The following PKD1 variants were observed in gnomAD, a reference collection of about 807,000 sequenced individuals.
The protein encoded by PKD1 is polycystin 1, transient receptor potential channel interacting.
Under a neutral mutation model 361.7 loss-of-function variants are expected in PKD1, and 81 were observed. That is an observed-to-expected ratio of 0.22 (90% CI 0.19 to 0.27). PKD1 has a LOEUF of 0.27. Ranked by LOEUF, PKD1 falls within the 10% of genes least tolerant of loss-of-function variation. PKD1 has a pLI of 1.00. For synonymous variants in PKD1, 3,615 were observed against 2,818.3 expected, an observed-to-expected ratio of 1.28 and a Z score of -8.95; for missense variants, 6,399 against 6,118.3, an observed-to-expected ratio of 1.05 and a Z score of -1.53.
Position 2,093,666 on chromosome 16 carries a change from C to T in PKD1, c.10894G>A (p.Glu3632Lys), listed in dbSNP as rs1368279785. 1 of 1,607,384 alleles carries T rather than the reference C, an allele frequency of 6.2e-7. No individual in the cohort carries two copies. The highest frequency in any genetic ancestry group is 8.5e-7 in the Non-Finnish European group (1 of 1,177,196). ...LHPDEDDTLV[E>K]SPAVTPVSAR... ...CTCACAGGCGTCACAGCCGGGCTCT[C>T]TACCAGGGTGTCATCTTCATCCGGG... is the stretch of plus-strand genomic sequence containing the variant. Residue 3632 changes from glutamate to lysine, a missense_variant, in exon 37 of 46, where the codon GAG (glutamate) becomes AAG (lysine). Coordinates refer to ENST00000262304, the MANE Select transcript of PKD1 (RefSeq NM_001009944.3).
chr16:2,090,400 T>A lies in PKD1; in HGVS notation c.12329A>T (p.Tyr4110Phe), dbSNP rs767860960. The change falls in exon 45 of 46, where the codon TAC becomes TTC. Residue 4110 changes from tyrosine to phenylalanine, a missense_variant. Transcript: ENST00000262304. ...RLGAVILRWR[Y>F]HALRGELYRP... ...GTACAGCTCTCCACGCAAGGCGTGGTAGCGCCAGCGGAGAATAACAGCCCC... is the reference window on the plus strand; with the variant it reads ...GTACAGCTCTCCACGCAAGGCGTGGAAGCGCCAGCGGAGAATAACAGCCCC... The A allele has an allele frequency of 1.9e-5, 30 of 1,612,422 alleles. No homozygotes were observed. Among genetic ancestry groups the A allele is most frequent in the Non-Finnish European group, 2.5e-5 (29 of 1,179,892 alleles).
intron 6 of PKD1, 136 bp from the exon 7 acceptor site, chr16:2,117,189 G>C: frequency 1.6e-6 from 1 of 642,256 alleles, no homozygotes; most frequent in Non-Finnish European, 2.7e-6. Flanking sequence ...GGAGACCAGG[G>C]CCCACCAGCC....
In PKD1 at chr16:2,089,745, G is replaced by C; in HGVS notation, c.12894C>G (p.Val4298=). The C allele has an allele frequency of 6.3e-7, 1 of 1,587,706 alleles. No individual in the cohort carries two copies. The highest frequency in any genetic ancestry group is 8.6e-7 in the Non-Finnish European group (1 of 1,168,782). The change falls in exon 46 of 46, where the codon GTC becomes GTG. Residue 4298 remains valine, a synonymous_variant. Transcript: ENST00000262304. ...AGGAGGACTAAGTGCTGCTGGGGTGGACCTTGTTCTTGGCCCGAAGGGGTG... is the reference window on the plus strand; with the variant it reads ...AGGAGGACTAAGTGCTGCTGGGGTGCACCTTGTTCTTGGCCCGAAGGGGTG... ...SRTPLRAKNK[V]HPSST
chr16:2,110,183 C>T lies in PKD1; in HGVS notation c.4984G>A (p.Val1662Ile), dbSNP rs766683298. 21 of 1,611,070 alleles carry T rather than the reference C, an allele frequency of 1.3e-5. No individual in the cohort carries two copies. Among genetic ancestry groups the T allele is most frequent in the South Asian group, 3.3e-5 (3 of 91,012 alleles). The change falls in exon 15 of 46, where the codon GTC becomes ATC. Residue 1662 changes from valine (V) to isoleucine (I), a missense_variant. Val to Ile is a conservative substitution (Grantham distance 29). Coordinates refer to ENST00000262304, the MANE Select transcript of PKD1 (RefSeq NM_001009944.3). ...CTCCAGGCAGTCCAGCTGTAGGAGACGTTGGTGCCATCCCTAACCACGGCC... is the reference window on the plus strand; with the variant it reads ...CTCCAGGCAGTCCAGCTGTAGGAGATGTTGGTGCCATCCCTAACCACGGCC... ...LQAVVRDGTN[V>I]SYSWTAWRDR... is the part of the protein sequence containing the mutation.
chr16:2,093,674 G>C lies in PKD1; in HGVS notation c.10886C>G (p.Thr3629Ser), dbSNP rs765167102. ...CGTCACAGCCGGGCTCTCTACCAGG[G>C]TGTCATCTTCATCCGGGTGCAGCCG... ...AKRLHPDEDD[T>S]LVESPAVTPV... The change falls in exon 37 of 46, where the codon ACC becomes AGC. Residue 3629 changes from threonine (T) to serine (S), a missense_variant. Transcript: ENST00000262304. 1.2e-6 allele frequency: 2 copies of C among 1,606,694 alleles called. No individual in the cohort carries two copies. The highest frequency in any genetic ancestry group is 1.7e-6 in the Non-Finnish European group (2 of 1,176,900).
In PKD1 at chr16:2,092,244, G is replaced by T. The variant is rs555519279; in HGVS notation, c.11270-56C>A. ...AGGGCCTCATCAAAACCCAACAGGA[G>T]TGTTTCCTGCTGGCCAGCTCGCCTG... is the stretch of plus-strand genomic sequence containing the variant. On this transcript the variant is annotated intron_variant, in intron 39 of 45. Transcript: ENST00000262304. 5.7e-4 allele frequency: 873 copies of T among 1,526,584 alleles called. 9 individuals are homozygous for T. The South Asian group carries it at 8.4e-3, about 15-fold the overall frequency. 94.6% of individuals were successfully genotyped at this position (1,526,584 alleles called of 1,614,324 possible). A position where few individuals can be genotyped will look rare whatever the true frequency, so the allele number is the denominator to read the frequency against.
In PKD1 at chr16:2,091,291, G is replaced by GCCCTACGAGGGGGCGGGA. The variant is rs2091537644; in HGVS notation, c.11713-118_11713-117insTCCCGCCCCCTCGTAGGG. 8.7e-5 allele frequency: 31 copies of GCCCTACGAGGGGGCGGGA among 357,266 alleles called. 1 individual carries two copies. Among genetic ancestry groups the GCCCTACGAGGGGGCGGGA allele is most frequent in the Non-Finnish European group, 1.1e-4 (28 of 249,328 alleles). The allele number at this position is 357,266 out of a possible 1,614,324, so 22.1% of individuals were successfully genotyped here. On this transcript the variant is annotated intron_variant, in intron 42 of 45. Transcript: ENST00000262304. Reference sequence around the variant, plus strand: ...GGGGGCGGGACGCTGCCGGGGCGGGGCCCTGCGAGGGGGCGGGACGCTGCG... The same window carrying GCCCTACGAGGGGGCGGGA: ...GGGGGCGGGACGCTGCCGGGGCGGGGCCCTACGAGGGGGCGGGACCCTGCGAGGGGGCGGGACGCTGCG...
In PKD1 at chr16:2,112,491, C is replaced by T. The variant is rs2369074; in HGVS notation, c.3162-18G>A. 35 of 1,583,994 alleles carry T rather than the reference C, an allele frequency of 2.2e-5. No homozygotes were observed. The highest frequency in any genetic ancestry group is 2.1e-4 in the African/African-American group (16 of 74,568). On this transcript the variant is annotated intron_variant, in intron 13 of 45. Coordinates refer to ENST00000262304, the MANE Select transcript of PKD1 (RefSeq NM_001009944.3). ...AGGTCCACCTGCCGGGGCGGTGGGA[C>T]GCAGTGAGTGAACCGGGACAGGGGT... is the stretch of plus-strand genomic sequence containing the variant.
In PKD1 at chr16:2,100,148, C is replaced by A; in HGVS notation, c.9712+18G>T. ...TGCCCAACCTCCCACGGAGTGGGAACATGGAACGAGGCCTTACTCGCGGCC... is the reference window on the plus strand; with the variant it reads ...TGCCCAACCTCCCACGGAGTGGGAAAATGGAACGAGGCCTTACTCGCGGCC... On this transcript the variant is annotated intron_variant, in intron 28 of 45. Coordinates refer to ENST00000262304, the MANE Select transcript of PKD1 (RefSeq NM_001009944.3). This position sits in a 1 kb window ranked among gnomAD's most constrained non-coding sequence, Gnocchi z 4.4. 4 of 1,604,354 alleles carry A rather than the reference C, an allele frequency of 2.5e-6. No individual in the cohort carries two copies. The highest frequency in any genetic ancestry group is 3.4e-6 in the Non-Finnish European group (4 of 1,174,278).
rs1754104193 is a variant in PKD1, at chr16:2,110,386, C to A, written c.4781G>T (p.Gly1594Val). 6.2e-7 allele frequency: 1 copy of A among 1,612,612 alleles called. No homozygotes were observed. The highest frequency in any genetic ancestry group is 2.2e-5 in the East Asian group (1 of 44,876). ...LCDRCTPIPG[G>V]PTISYTFRSV... Reference sequence around the variant, plus strand: ...GCGGAAGGTGTAAGAGATGGTAGGACCCCCAGGGATGGGCGTGCAGCGGTC... The same window carrying A: ...GCGGAAGGTGTAAGAGATGGTAGGAACCCCAGGGATGGGCGTGCAGCGGTC... The change falls in exon 15 of 46, where the codon GGT (glycine) becomes GTT (valine). Residue 1594 changes from glycine to valine, a missense_variant. Gly to Val is a moderately radical substitution (Grantham distance 109, BLOSUM62 -3). Transcript: ENST00000262304.
intron 20 of PKD1, 63 bp downstream of exon 20, chr16:2,105,802 T>A: frequency 2.6e-6 from 4 of 1,515,738 alleles, no homozygotes; most frequent in South Asian, 1.1e-5. Flanking sequence ...CAGGCAGGGG[T>A]ACAGGTCTTG....
rs200310470 is a variant in PKD1 at position 2,092,942 on chromosome 16, G to T, written c.11156+12C>A. On this transcript the variant is annotated intron_variant, in intron 38 of 45. Coordinates refer to ENST00000262304, the MANE Select transcript of PKD1 (RefSeq NM_001009944.3). ...AGCCCAGAAGACAGACCAGTGCACC[G>T]GATGCCCGTACCGCGTGATGGCCAG... The T allele has an allele frequency of 6.2e-5, 100 of 1,612,784 alleles. No homozygotes were observed. The highest frequency in any genetic ancestry group is 6.8e-5 in the Non-Finnish European group (80 of 1,179,966).
rs780357671 is a variant in PKD1, at chr16:2,116,867, C to T, written c.1572G>A (p.Ala524=). The change falls in exon 7 of 46, where the codon GCG becomes GCA. Residue 524 remains alanine (A), a synonymous_variant. Transcript: ENST00000262304. ...TGWCNTDLCS[A]PHSYVCELQP... is the part of the protein sequence containing the mutation. ...GCAGCTCGCAGACGTAGCTGTGCGGCGCTGAGCACAGGTCGGTGTTACACC... is the reference window on the plus strand; with the variant it reads ...GCAGCTCGCAGACGTAGCTGTGCGGTGCTGAGCACAGGTCGGTGTTACACC... The T allele has an allele frequency of 9.3e-5, 142 of 1,531,526 alleles. 3 individuals carry two copies. In the South Asian group the frequency reaches 1.6e-3, roughly 17 times the overall value. The allele number at this position is 1,531,526 out of a possible 1,614,324, so 94.9% of individuals were successfully genotyped here.
rs1269254648 is a variant in PKD1 at position 2,116,714 on chromosome 16, C to T, written c.1607-70G>A. The T allele has an allele frequency of 6.1e-5, 73 of 1,200,036 alleles. 1 individual carries two copies. The highest frequency in any genetic ancestry group is 2.8e-4 in the Admixed American group (14 of 50,332). 74.3% of individuals were successfully genotyped at this position (1,200,036 alleles called of 1,614,324 possible). A position where few individuals can be genotyped will look rare whatever the true frequency, so the allele number is the denominator to read the frequency against. On this transcript the variant is annotated intron_variant, in intron 7 of 45. Transcript: ENST00000262304. ...ACACCAGGACGAACAGACTGGGGAC[C>T]GAGCCGCCCGAAAACCCCCCCACCA...
rs149924232 is a variant in PKD1, at chr16:2,097,955, G to A, written c.10080C>T (p.Ala3360=). The A allele has an allele frequency of 1.5e-4, 238 of 1,595,250 alleles. 3 individuals are homozygous for A. The African/African-American group carries it at 2.0e-3, about 13-fold the overall frequency. The change falls in exon 31 of 46, where the codon GCC becomes GCT. Residue 3360 remains alanine, a synonymous_variant. Coordinates refer to ENST00000262304, the MANE Select transcript of PKD1 (RefSeq NM_001009944.3). ...KVAGSPSPTP[A]GQQVLDIDSC... ...TGTCGATGTCCAGCACCTGCTGCCC[G>A]GCAGGTGTGGGGCTCGGGCTCCCAG... is the stretch of plus-strand genomic sequence containing the variant.
Position 2,097,342 on chromosome 16 carries a change from G to A in PKD1, c.10382C>T (p.Pro3461Leu). ...DGFSLASPYS[P>L]AKSFSASDED... is the part of the protein sequence containing the mutation. Reference sequence around the variant, plus strand: ...ACCTGATGCTGAGAAGGATTTGGCAGGCGAGTAGGGGCTGGCCAGGGAGAA... The same window carrying A: ...ACCTGATGCTGAGAAGGATTTGGCAAGCGAGTAGGGGCTGGCCAGGGAGAA... The change falls in exon 33 of 46, where the codon CCT becomes CTT. Residue 3461 changes from proline (P) to leucine (L), a missense_variant. Physicochemically the swap from Pro to Leu is moderately conservative, Grantham distance 98. Coordinates refer to ENST00000262304, the MANE Select transcript of PKD1 (RefSeq NM_001009944.3). 4 of 1,612,746 alleles carry A rather than the reference G, an allele frequency of 2.5e-6. No homozygotes were observed. Among genetic ancestry groups the A allele is most frequent in the South Asian group, 1.1e-5 (1 of 91,074 alleles).
chr16:2,096,119 G>A (rs904041478), intron 34 of PKD1, among the ~76,000 whole-genome samples: 1 of 152,208 alleles, frequency 6.6e-6, no homozygotes, highest in Non-Finnish European at 1.5e-5. Flanking sequence ...CAGCAGTCAC[G>A]CACCACTTAG....
chr16:2,118,581 C>T lies in PKD1; in HGVS notation c.529+95G>A, dbSNP rs1019301177. 35 of 774,424 alleles carry T rather than the reference C, an allele frequency of 4.5e-5. No homozygotes were observed. The South Asian group carries it at 4.7e-4, about 10-fold the overall frequency. 48.0% of individuals were successfully genotyped at this position (774,424 alleles called of 1,614,324 possible). A position where few individuals can be genotyped will look rare whatever the true frequency, so the allele number is the denominator to read the frequency against. Reference sequence around the variant, plus strand: ...TGTTCCCTTGGCCCGGAGGCCCCCCCCAGAGAGGCCTTCCTGAGCCCTGCC... The same window carrying T: ...TGTTCCCTTGGCCCGGAGGCCCCCCTCAGAGAGGCCTTCCTGAGCCCTGCC... On this transcript the variant is annotated intron_variant, in intron 4 of 45. Transcript: ENST00000262304. This position sits in a 1 kb window ranked among gnomAD's most constrained non-coding sequence, Gnocchi z 6.0.
chr16:2,106,318 C>T lies in PKD1; in HGVS notation c.7490-14G>A. 1 of 1,607,700 alleles carries T rather than the reference C, an allele frequency of 6.2e-7. No individual in the cohort carries two copies. The highest frequency in any genetic ancestry group is 8.5e-7 in the Non-Finnish European group (1 of 1,177,664). ...CGTCATGCCAGCCTGAGGGACGGTCCCCACGGCATCACGGGAGGGCTCCGT... is the reference window on the plus strand; with the variant it reads ...CGTCATGCCAGCCTGAGGGACGGTCTCCACGGCATCACGGGAGGGCTCCGT... On this transcript the variant is annotated splice_polypyrimidine_tract_variant and intron_variant, in intron 18 of 45. Coordinates refer to ENST00000262304, the MANE Select transcript of PKD1 (RefSeq NM_001009944.3). The surrounding 1 kb of genome is among the most constrained non-coding windows in gnomAD (Gnocchi z 6.5).
Sources: gnomAD v4.1 joint callset for allele counts (sites outside exome capture counted in the v4.1 genomes callset) on GRCh38, gnomAD v4.1.1 for gene constraint, Gnocchi (gnomAD v3.1) non-coding constraint, MANE v1.5 for transcripts, NCBI Gene and HGNC (gene_info 2026-07-23, HGNC 2026-07-21) for gene names.